Variants in SEMA3C observed in about 807,000 individuals in gnomAD.
The protein encoded by SEMA3C is semaphorin 3C.
Under a neutral mutation model 89.4 loss-of-function variants are expected in SEMA3C, and 47 were observed. That is an observed-to-expected ratio of 0.53 (90% CI 0.42 to 0.67). The LOEUF is 0.67. Among genes scored for constraint, SEMA3C ranks in the 30% least tolerant of loss-of-function variants. The pLI is 0.00. For synonymous variants in SEMA3C, 310 were observed against 320.2 expected (o/e 0.97, Z 0.34); for missense variants, 839 against 929.1 (o/e 0.90, Z 1.26).
Position 80,744,543 on chromosome 7 carries a change from A to G in SEMA3C, c.*351T>C, listed in dbSNP as rs1005084594. ...TGACAATTAGAATTCTAAAGCCCCA[A>G]AGCAGGAAAGGAATACCACAGGGAT... is the stretch of plus-strand genomic sequence containing the variant. On this transcript the variant is annotated 3_prime_UTR_variant, in exon 18 of 18. Transcript: ENST00000265361. 4.2e-6 allele frequency: 1 copy of G among 235,718 alleles called. No homozygotes were observed. The highest frequency in any genetic ancestry group is 2.3e-5 in the African/African-American group (1 of 43,100). The allele number at this position is 235,718 out of a possible 1,614,324, so 14.6% of individuals were successfully genotyped here.
chr7:80,846,520 C>T (rs1209467483), intron 2 of SEMA3C, among the ~76,000 whole-genome samples: 6 of 152,078 alleles, frequency 3.9e-5, no homozygotes, highest in South Asian at 4.2e-4. Flanking sequence ...CCATGCCTGG[C>T]CAATTTTTGT....
At chr7:80,863,823 GTGA>G (rs1790841881) in intron 2 of SEMA3C, among the ~76,000 whole-genome samples, 2 of 113,324 alleles carry the variant, frequency 1.8e-5, no homozygotes, top group African/African-American at 9.0e-5. Flanking sequence ...ACATATATAT[GTGA>G]TATGTGATAT....
intron 5 of SEMA3C, among the ~76,000 whole-genome samples, chr7:80,814,017 T>C (rs1789536111): frequency 6.6e-6 from 1 of 152,124 alleles, no homozygotes; most frequent in Non-Finnish European, 1.5e-5. Context: ...CAATGACTTA[T>C]TTTTATTTCC....
At chr7:80,772,722 T>A (rs76004667) in intron 12 of SEMA3C, among the ~76,000 whole-genome samples, 7,638 of 152,268 alleles carry the variant, frequency 0.05, 268 homozygotes, top group South Asian at 0.078. Context: ...TTGTTTTATT[T>A]TTTTCCTGCA....
chr7:80,750,445 T>C (rs1787898875), intron 16 of SEMA3C, among the ~76,000 whole-genome samples: 2 of 44,970 alleles, frequency 4.4e-5, no homozygotes, highest in Non-Finnish European at 9.2e-5. Context: ...CATATATATA[T>C]ATATATATAT....
chr7:80,905,753 G>C (rs1371298757), intron 2 of SEMA3C: 1 of 745,138 alleles, frequency 1.3e-6, no homozygotes, highest in Admixed American at 2.4e-5. Context: ...CTTCTGTGAG[G>C]TGTCTATGCT....
chr7:80,848,945 G>A (rs1790450077), intron 2 of SEMA3C, among the ~76,000 whole-genome samples: 1 of 151,912 alleles, frequency 6.6e-6, no homozygotes, highest in Non-Finnish European at 1.5e-5. Context: ...TAAATCGAAC[G>A]CAGACTCTAA....
intron 2 of SEMA3C, among the ~76,000 whole-genome samples, chr7:80,906,343 G>A (rs1355889787): frequency 1.3e-5 from 2 of 152,184 alleles, no homozygotes. Flanking sequence ...GGTTATTGCA[G>A]AGGTAATTTC....
intron 2 of SEMA3C, among the ~76,000 whole-genome samples, chr7:80,868,885 G>A (rs1790992171): frequency 6.6e-6 from 1 of 152,144 alleles, no homozygotes; most frequent in East Asian, 1.9e-4. Context: ...TGTAAATTAG[G>A]ACTTGCCCAC....
chr7:80,848,297 G>C (rs1286483616), intron 2 of SEMA3C, among the ~76,000 whole-genome samples: 2 of 152,160 alleles, frequency 1.3e-5, no homozygotes, highest in Non-Finnish European at 2.9e-5. Context: ...CAACTGAACT[G>C]CAAGCTCTAA....
intron 2 of SEMA3C, among the ~76,000 whole-genome samples, chr7:80,903,358 T>C (rs1432892801): frequency 2.0e-5 from 3 of 152,046 alleles, no homozygotes; most frequent in African/African-American, 4.8e-5. Context: ...ACAGTAAAAA[T>C]GTAGTATAAT....
intron 4 of SEMA3C, among the ~76,000 whole-genome samples, chr7:80,818,801 G>C (rs1022360247): frequency 6.6e-6 from 1 of 152,148 alleles, no homozygotes; most frequent in Admixed American, 6.5e-5. Flanking sequence ...TATCTTTGGG[G>C]AACTATTAGT....
At chr7:80,772,700 T>G (rs1460685577) in intron 12 of SEMA3C, among the ~76,000 whole-genome samples, 1 of 147,306 alleles carries the variant, frequency 6.8e-6, no homozygotes, top group South Asian at 2.1e-4. Flanking sequence ...TTAAACATGT[T>G]TTTTTTTTTG....
At chr7:80,880,872 C>T (rs1791319057) in intron 2 of SEMA3C, among the ~76,000 whole-genome samples, 1 of 152,100 alleles carries the variant, frequency 6.6e-6, no homozygotes. Context: ...CTGCAGTGAG[C>T]TGAGATCACA....
At chr7:80,868,011 A>T (rs376279640) in intron 2 of SEMA3C, among the ~76,000 whole-genome samples, 1 of 152,234 alleles carries the variant, frequency 6.6e-6, no homozygotes, top group South Asian at 2.1e-4. Flanking sequence ...AAAGAAAACC[A>T]GATGACTTAA....
chr7:80,791,478 A>T (rs903876981), intron 11 of SEMA3C, among the ~76,000 whole-genome samples: 2 of 152,110 alleles, frequency 1.3e-5, no homozygotes, highest in African/African-American at 2.4e-5. Context: ...CTCTTTAGAG[A>T]GGTATGTGAT....
In SEMA3C at chr7:80,916,761, G is replaced by A. The variant is rs771788390; in HGVS notation, c.21C>T (p.Cys7=). The A allele has an allele frequency of 9.6e-5, 155 of 1,612,972 alleles. No homozygotes were observed. Among genetic ancestry groups the A allele is most frequent in the Middle Eastern group, 1.6e-4 (1 of 6,078 alleles). MAFRTI[C]VLVGVFICSI... Reference sequence around the variant, plus strand: ...AACAAATAAATACTCCAACCAACACGCAAATTGTCCGGAATGCCATTTCTT... The same window carrying A: ...AACAAATAAATACTCCAACCAACACACAAATTGTCCGGAATGCCATTTCTT... Residue 7 remains cysteine (C), a synonymous_variant, in exon 2 of 18, where the codon TGC becomes TGT. Transcript: ENST00000265361.
chr7:80,785,602 CA>C (rs1235622493), intron 12 of SEMA3C, among the ~76,000 whole-genome samples: 6 of 152,142 alleles, frequency 3.9e-5, no homozygotes, highest in Non-Finnish European at 7.4e-5. Flanking sequence ...CTTTTAGTAA[CA>C]AACAGGAAGA....
chr7:80,761,572 A>G (rs770775213), intron 14 of SEMA3C, 44 bp downstream of exon 14: 1 of 1,054,234 alleles, frequency 9.5e-7, no homozygotes, highest in South Asian at 1.4e-5. Flanking sequence ...CATAACAACA[A>G]AACATTTCAA....
Sources: gnomAD v4.1 joint callset for allele counts (sites outside exome capture counted in the v4.1 genomes callset) on GRCh38, gnomAD v4.1.1 for gene constraint, MANE v1.5 for transcripts, NCBI Gene and HGNC (gene_info 2026-07-23, HGNC 2026-07-21) for gene names.